CNPY1: variants seen among roughly 807,000 people sequenced by gnomAD.
The protein encoded by CNPY1 is protein canopy homolog 1.
Under a neutral mutation model 14.4 loss-of-function variants are expected in CNPY1, and 14 were observed. The observed-to-expected ratio is 0.97, with a 90% CI of 0.64 to 1.52. The LOEUF is 1.52. CNPY1 is among the 40% of genes most tolerant of loss of function. The probability of loss-of-function intolerance (pLI) is 0.00; values close to 1 mark genes in which losing one functional copy is unlikely to be tolerated. For missense variants in CNPY1, 129 were observed against 131.5 expected (o/e 0.98, Z 0.09); for synonymous variants, 43 against 46.5 (o/e 0.92, Z 0.31).
chr7:155,509,087 G>A lies in CNPY1; in HGVS notation c.110C>T (p.Ala37Val). Residue 37 changes from alanine to valine, a missense_variant, in exon 3 of 5, where the codon GCT becomes GTT. Physicochemically the swap from Ala to Val is moderately conservative, Grantham distance 64 (BLOSUM62 0). Transcript: ENST00000636446. Reference protein sequence around the residue: ...GTQERRKIPLAQSEAFLTDLL... With the variant: ...GTQERRKIPLVQSEAFLTDLL... Reference sequence around the variant, plus strand: ...ATCCGTTAGGAACGCCTCCGACTGAGCTAGGGGGATCTAAGAAGAAAGACA... The same window carrying A: ...ATCCGTTAGGAACGCCTCCGACTGAACTAGGGGGATCTAAGAAGAAAGACA... 1 of 1,562,080 alleles carries A rather than the reference G, an allele frequency of 6.4e-7. No homozygotes were observed.
intron 2 of CNPY1, among the ~76,000 whole-genome samples, chr7:155,539,864 C>T (rs576993255): frequency 7.2e-5 from 11 of 152,192 alleles, no homozygotes; most frequent in South Asian, 2.1e-4. Context: ...AAGGAATGGA[C>T]GCAGGAGGCA....
At chr7:155,543,375 C>T (rs900509711) in intron 2 of CNPY1, among the ~76,000 whole-genome samples, 5 of 152,136 alleles carry the variant, frequency 3.3e-5, no homozygotes, top group Non-Finnish European at 7.4e-5. Context: ...GCAGTAACAC[C>T]AGCCTGGCCC....
chr7:155,520,651 A>G (rs1200324042), intron 2 of CNPY1, among the ~76,000 whole-genome samples: 2 of 151,826 alleles, frequency 1.3e-5, no homozygotes, highest in Non-Finnish European at 2.9e-5. Context: ...TAAAAAGCAG[A>G]TAGATGTGAG....
chr7:155,526,018 G>C (rs1796812399), intron 2 of CNPY1, among the ~76,000 whole-genome samples: 1 of 152,126 alleles, frequency 6.6e-6, no homozygotes. Flanking sequence ...TAGGGAATGG[G>C]GGTACAAGAT....
intron 2 of CNPY1, among the ~76,000 whole-genome samples, chr7:155,534,267 A>G (rs1485213336): frequency 4.6e-5 from 7 of 152,142 alleles, no homozygotes; most frequent in African/African-American, 1.7e-4. Context: ...GCTCTGAGAT[A>G]GGTGACTTTG....
At chr7:155,538,531 A>G (rs1023467332) in intron 2 of CNPY1, among the ~76,000 whole-genome samples, 1 of 151,894 alleles carries the variant, frequency 6.6e-6, no homozygotes, top group African/African-American at 2.4e-5. Flanking sequence ...TCACGTGCCC[A>G]GGACAGGCCA....
intron 2 of CNPY1, among the ~76,000 whole-genome samples, chr7:155,532,479 G>A (rs1487092823): frequency 6.8e-6 from 1 of 147,540 alleles, no homozygotes; most frequent in Non-Finnish European, 1.5e-5. Context: ...AAATTAGCCG[G>A]GCACGGTGGT....
intron 4 of CNPY1, 47 bp from the exon 5 acceptor site, chr7:155,503,152 C>G (rs772126849): frequency 6.8e-7 from 1 of 1,463,342 alleles, no homozygotes; most frequent in Non-Finnish European, 9.4e-7. Flanking sequence ...ACTTTAGACT[C>G]CAGCCCGTTA....
intron 2 of CNPY1, among the ~76,000 whole-genome samples, chr7:155,537,990 T>A (rs1336649603): frequency 5.9e-5 from 9 of 152,222 alleles, no homozygotes; most frequent in East Asian, 1.9e-4. Flanking sequence ...ATTGTCTCAG[T>A]GTATTTCCTG....
intron 2 of CNPY1, among the ~76,000 whole-genome samples, chr7:155,512,993 A>C (rs946964447): frequency 6.6e-6 from 1 of 152,262 alleles, no homozygotes. Flanking sequence ...ATTAGTTAAA[A>C]GTCAATATTT....
intron 2 of CNPY1, among the ~76,000 whole-genome samples, chr7:155,519,631 G>A (rs1424549369): frequency 1.4e-5 from 2 of 146,738 alleles, no homozygotes; most frequent in African/African-American, 2.7e-5. Flanking sequence ...ACCTGTTATT[G>A]GTGGCAAAAA....
In CNPY1 at chr7:155,502,003, T is replaced by TGGGGGGGGGGGGTGG. The variant is rs60236629; in HGVS notation, c.*1064_*1065insCCACCCCCCCCCCCC. ...GCAAAGAGTTTTGGGTCGGGGGGGT[T>TGGGGGGGGGGGGTGG]GGGGGGGGGATTTGTAGCATCCTAC... On this transcript the variant is annotated 3_prime_UTR_variant, in exon 5 of 5. Transcript: ENST00000636446. 6 of 125,294 alleles carry TGGGGGGGGGGGGTGG rather than the reference T, an allele frequency of 4.8e-5. No individual in the cohort carries two copies. Among genetic ancestry groups the TGGGGGGGGGGGGTGG allele is most frequent in the Non-Finnish European group, 8.3e-5 (5 of 60,118 alleles). 7.8% of individuals were successfully genotyped at this position (125,294 alleles called of 1,614,324 possible).
chr7:155,535,287 G>C (rs1797010116), intron 2 of CNPY1, among the ~76,000 whole-genome samples: 2 of 152,344 alleles, frequency 1.3e-5, no homozygotes, highest in Middle Eastern at 6.8e-3. Context: ...TATGTGCCCT[G>C]CCTCCAGGAA....
intron 2 of CNPY1, among the ~76,000 whole-genome samples, chr7:155,520,563 G>A (rs1046332924): frequency 5.3e-5 from 8 of 150,350 alleles, no homozygotes; most frequent in Non-Finnish European, 1.2e-4. Context: ...TCAGCCTCCC[G>A]AGTAGCTGGG....
At chr7:155,510,611 A>T (rs1796508451) in intron 2 of CNPY1, 1 of 152,214 alleles carries the variant, frequency 6.6e-6, no homozygotes, top group African/African-American at 2.4e-5. Flanking sequence ...CACGTATCTA[A>T]TCACTCAAAT....
At chr7:155,528,764 G>GA (rs2116733838) in intron 2 of CNPY1, among the ~76,000 whole-genome samples, 1 of 152,218 alleles carries the variant, frequency 6.6e-6, no homozygotes, top group East Asian at 1.9e-4. Context: ...CTCCACCTAA[G>GA]AAAAAACAAC....
chr7:155,540,826 A>C (rs556874122), intron 2 of CNPY1, among the ~76,000 whole-genome samples: 3 of 152,324 alleles, frequency 2.0e-5, no homozygotes, highest in South Asian at 2.1e-4. Context: ...TGCCCCGCTG[A>C]GAGCAGCAGT....
intron 2 of CNPY1, among the ~76,000 whole-genome samples, chr7:155,522,815 G>A (rs1426940293): frequency 6.6e-6 from 1 of 152,282 alleles, no homozygotes; most frequent in Non-Finnish European, 1.5e-5. Flanking sequence ...TCAGTGTCAC[G>A]GAACTCAGCC....
intron 2 of CNPY1, among the ~76,000 whole-genome samples, chr7:155,513,425 A>G (rs1365917037): frequency 1.3e-5 from 2 of 152,180 alleles, no homozygotes; most frequent in Non-Finnish European, 2.9e-5. Flanking sequence ...CCTTGGGGGG[A>G]AAACACAAAT....
Sources: gnomAD v4.1 joint callset for allele counts (sites outside exome capture counted in the v4.1 genomes callset) on GRCh38, gnomAD v4.1.1 for gene constraint, MANE v1.5 for transcripts, NCBI Gene and HGNC (gene_info 2026-07-23, HGNC 2026-07-21) for gene names.